Variants in TNFRSF8 observed in about 807,000 individuals in gnomAD.
The protein encoded by TNFRSF8 is TNF receptor superfamily member 8.
TNFRSF8 carries 26 observed loss-of-function variants against 70.8 expected under a neutral mutation model. The ratio of observed to expected loss-of-function variants is 0.37; its 90% CI spans 0.27 to 0.51. The LOEUF is 0.51. Among genes scored for constraint, TNFRSF8 ranks in the 20% least tolerant of loss-of-function variants. The pLI is 0.94. For synonymous variants in TNFRSF8, 356 were observed against 339.2 expected (o/e 1.05, Z -0.54); for missense variants, 720 against 807.9 (o/e 0.89, Z 1.32).
In TNFRSF8 at chr1:12,142,587, A is replaced by T; in HGVS notation, c.*56A>T. The T allele has an allele frequency of 1.3e-6, 2 of 1,534,788 alleles. No homozygotes were observed. Among genetic ancestry groups the T allele is most frequent in the South Asian group, 2.4e-5 (2 of 82,904 alleles). The stretch of plus-strand genomic sequence containing the variant: ...GCAGGGTGGCCTCTGGGAGGCCAGG[A>T]TGGCACTGTTGGCACCGAGGTTGGG... On this transcript the variant is annotated 3_prime_UTR_variant, in exon 15 of 15. Transcript: ENST00000263932. The surrounding 1 kb of genome is among the most constrained non-coding windows in gnomAD (Gnocchi z 5.0).
intron 2 of TNFRSF8, among the ~76,000 whole-genome samples, chr1:12,086,198 G>A (rs56279371): frequency 0.026 from 3,926 of 152,302 alleles, 150 homozygotes; most frequent in African/African-American, 0.087. Flanking sequence ...ACTCCCCCAT[G>A]AGATGCAGAC....
intron 1 of TNFRSF8, chr1:12,080,625 T>C (rs2100961842): frequency 1.0e-5 from 3 of 296,904 alleles, no homozygotes; most frequent in South Asian, 9.1e-5. Flanking sequence ...TGGTGCGTTC[T>C]TGGCTCACTG....
Position 12,109,999 on chromosome 1 carries a change from C to T in TNFRSF8, c.513-42C>T. On this transcript the variant is annotated intron_variant, in intron 5 of 14. Transcript: ENST00000263932. This position sits in a 1 kb window ranked among gnomAD's most constrained non-coding sequence, Gnocchi z 4.4. The stretch of plus-strand genomic sequence containing the variant: ...TCGTGAGCACAGGCCTCCCTTGCCC[C>T]ATTGGCAGAATTATCAGTCCCATCT... The T allele has an allele frequency of 6.2e-7, 1 of 1,601,478 alleles. No homozygotes were observed. The highest frequency in any genetic ancestry group is 8.5e-7 in the Non-Finnish European group (1 of 1,173,562).
At chr1:12,072,757 C>T (rs1004356751) in intron 1 of TNFRSF8, among the ~76,000 whole-genome samples, 7 of 152,286 alleles carry the variant, frequency 4.6e-5, no homozygotes, top group Non-Finnish European at 1.0e-4. Context: ...AGTGCGTGCA[C>T]AGATAATGTG....
At chr1:12,100,258 C>T (rs1007528421) in intron 3 of TNFRSF8, among the ~76,000 whole-genome samples, 2 of 152,120 alleles carry the variant, frequency 1.3e-5, no homozygotes, top group African/African-American at 4.8e-5. Flanking sequence ...CGAAGTTGTT[C>T]TGGGTGAGTC....
Position 12,115,742 on chromosome 1 carries a change from C to T in TNFRSF8, c.946+13C>T, listed in dbSNP as rs1220168830. On this transcript the variant is annotated intron_variant, in intron 8 of 14. Transcript: ENST00000263932. ...ACCAAGCCCCAGGGTAAGCAGTTCC[C>T]ACCCCAGGCCTCGACCACAGGGTGG... 2 of 1,612,366 alleles carry T rather than the reference C, an allele frequency of 1.2e-6. No homozygotes were observed. Among genetic ancestry groups the T allele is most frequent in the South Asian group, 2.2e-5 (2 of 91,056 alleles).
chr1:12,089,052 G>C lies in TNFRSF8; in HGVS notation c.151+4501G>C, dbSNP rs570089743. Among the ~76,000 whole-genome samples the C allele has an allele frequency of 3.2e-3, 491 of 152,196 alleles. 3 individuals carry two copies. Among genetic ancestry groups the C allele is most frequent in the African/African-American group, 0.011 (473 of 41,514 alleles). ...TTCCTCAGGGTCCACTTAAGTGTAG[G>C]CCCTCCCTGACCCCAGCCTGGGCCA... is the stretch of plus-strand genomic sequence containing the variant. On this transcript the variant is annotated intron_variant, in intron 2 of 14. Coordinates refer to ENST00000263932, the MANE Select transcript of TNFRSF8 (RefSeq NM_001243.5).
At chr1:12,074,880 T>C (rs563408179) in intron 1 of TNFRSF8, among the ~76,000 whole-genome samples, 1 of 151,942 alleles carries the variant, frequency 6.6e-6, no homozygotes, top group Non-Finnish European at 1.5e-5. Context: ...CCTCGAATTC[T>C]TGGGCTCAAA....
At chr1:12,126,086 A>G (rs1641933708) in intron 11 of TNFRSF8, 34 bp downstream of exon 11, 2 of 1,611,686 alleles carry the variant, frequency 1.2e-6, no homozygotes, top group East Asian at 4.5e-5. Flanking sequence ...CTTGGGGAGG[A>G]CAGGTTGCTC....
chr1:12,091,230 T>C (rs377243209), intron 2 of TNFRSF8, among the ~76,000 whole-genome samples: 58 of 152,318 alleles, frequency 3.8e-4, no homozygotes, highest in Middle Eastern at 3.4e-3. Flanking sequence ...TTTGAGGCAA[T>C]GATCTGAGTA....
At chr1:12,129,717 G>A (rs780961250) in intron 12 of TNFRSF8, among the ~76,000 whole-genome samples, 14 of 152,282 alleles carry the variant, frequency 9.2e-5, no homozygotes, top group Admixed American at 2.6e-4. Flanking sequence ...CTCTCAGGGC[G>A]TCCTGCCAGG....
chr1:12,100,398 A>G (rs1424695373), intron 3 of TNFRSF8, among the ~76,000 whole-genome samples: 2 of 151,998 alleles, frequency 1.3e-5, no homozygotes, highest in Non-Finnish European at 1.5e-5. Context: ...ATAATAAATT[A>G]AACAACTTTT....
intron 1 of TNFRSF8, among the ~76,000 whole-genome samples, chr1:12,071,886 G>A (rs930222319): frequency 6.6e-6 from 1 of 151,840 alleles, no homozygotes; most frequent in Non-Finnish European, 1.5e-5. Flanking sequence ...TAGTAGAGAT[G>A]GGGTTTCACC....
At chr1:12,130,004 AAG>A (rs1642019140) in intron 12 of TNFRSF8, among the ~76,000 whole-genome samples, 1 of 152,176 alleles carries the variant, frequency 6.6e-6, no homozygotes, top group Non-Finnish European at 1.5e-5. Flanking sequence ...TCCTGGGTTC[AAG>A]CAATTCTCCT....
chr1:12,073,022 T>A (rs1020662110), intron 1 of TNFRSF8, among the ~76,000 whole-genome samples: 1 of 152,200 alleles, frequency 6.6e-6, no homozygotes, highest in Non-Finnish European at 1.5e-5. Flanking sequence ...GCGCCAAGGC[T>A]CACGCCTGTA....
chr1:12,128,374 T>C (rs1440525556), intron 12 of TNFRSF8, among the ~76,000 whole-genome samples: 2 of 152,206 alleles, frequency 1.3e-5, no homozygotes, highest in Non-Finnish European at 2.9e-5. Context: ...CAGGGATCTG[T>C]GGTCCGTGCA....
rs1641570224 is a variant in TNFRSF8 at position 12,108,550 on chromosome 1, G to C, written c.422-1016G>C. ...TAGTCATTTGACTGGGCTGGGCACG[G>C]CAGCTTATGCCTGAAATCCCAGCAC... On this transcript the variant is annotated intron_variant, in intron 4 of 14. Transcript: ENST00000263932. The surrounding 1 kb of genome is among the most constrained non-coding windows in gnomAD (Gnocchi z 4.0). 6.6e-6 allele frequency among the ~76,000 whole-genome samples: 1 copy of C among 152,134 alleles called. No homozygotes were observed. Among genetic ancestry groups the C allele is most frequent in the African/African-American group, 2.4e-5 (1 of 41,426 alleles).
intron 12 of TNFRSF8, among the ~76,000 whole-genome samples, chr1:12,133,774 C>T (rs1446308195): frequency 6.7e-6 from 1 of 148,180 alleles, no homozygotes; most frequent in East Asian, 2.0e-4. Flanking sequence ...TACCCCTGGC[C>T]GGGCAAGGTG....
intron 12 of TNFRSF8, among the ~76,000 whole-genome samples, chr1:12,128,446 G>A (rs1165092434): frequency 2.0e-5 from 3 of 152,188 alleles, no homozygotes; most frequent in African/African-American, 4.8e-5. Context: ...GTGTGTCCTC[G>A]GTGACAGGCA....
Sources: gnomAD v4.1 joint callset for allele counts (sites outside exome capture counted in the v4.1 genomes callset) on GRCh38, gnomAD v4.1.1 for gene constraint, Gnocchi (gnomAD v3.1) non-coding constraint, MANE v1.5 for transcripts, NCBI Gene and HGNC (gene_info 2026-07-23, HGNC 2026-07-21) for gene names.